The following LRRC4C variants were observed in gnomAD, a reference collection of about 807,000 sequenced individuals.
LRRC4C encodes the protein leucine rich repeat containing 4C, also known as leucine-rich repeat-containing protein 4C.
Under a neutral mutation model 33.6 loss-of-function variants are expected in LRRC4C, and 5 were observed. The observed-to-expected ratio is 0.15, with a 90% CI of 0.08 to 0.31. LRRC4C has a LOEUF of 0.31. Ranked by LOEUF, LRRC4C falls within the 10% of genes least tolerant of loss-of-function variation. The pLI is 1.00. For missense variants in LRRC4C, 560 were observed against 796.7 expected, an observed-to-expected ratio of 0.70 and a Z score of 3.58; for synonymous variants, 329 against 302.0, an observed-to-expected ratio of 1.09 and a Z score of -0.93.
chr11:40,605,008 A>G lies in LRRC4C; in HGVS notation c.-270+43134T>C, dbSNP rs867541941. Among the ~76,000 whole-genome samples the G allele has an allele frequency of 2.0e-5, 3 of 152,284 alleles. No individual in the cohort carries two copies. The South Asian group carries it at 6.2e-4, about 32-fold the overall frequency. On this transcript the variant is annotated intron_variant, in intron 3 of 6. Transcript: ENST00000528697. ...TTGATCCTTTCTATTGTATGATTATAGAGAGTCCCCTCAATAATCAATGTG... is the reference window on the plus strand; with the variant it reads ...TTGATCCTTTCTATTGTATGATTATGGAGAGTCCCCTCAATAATCAATGTG...
intron 3 of LRRC4C, among the ~76,000 whole-genome samples, chr11:40,498,929 A>G (rs1197863393): frequency 1.3e-5 from 2 of 152,210 alleles, no homozygotes; most frequent in Non-Finnish European, 2.9e-5. Flanking sequence ...GTGTTTAAGC[A>G]ACTGTCAAAA....
At chr11:41,450,336 C>T (rs1955978055) in intron 1 of LRRC4C, among the ~76,000 whole-genome samples, 1 of 151,924 alleles carries the variant, frequency 6.6e-6, no homozygotes, top group South Asian at 2.1e-4. Flanking sequence ...AAAAAGGAGT[C>T]CAGGAAAATT....
At chr11:40,248,442 A>G (rs1051731332) in intron 4 of LRRC4C, among the ~76,000 whole-genome samples, 18 of 152,206 alleles carry the variant, frequency 1.2e-4, no homozygotes, top group African/African-American at 3.6e-4. Flanking sequence ...GGGTAACAGT[A>G]GCATCAGGGT....
At chr11:40,509,856 G>A (rs72899057) in intron 3 of LRRC4C, among the ~76,000 whole-genome samples, 9,866 of 152,170 alleles carry the variant, frequency 0.065, 839 homozygotes, top group African/African-American at 0.2. Flanking sequence ...CTAAAAATAC[G>A]TCACATGATG....
At chr11:40,949,131 T>G (rs1246508221) in intron 1 of LRRC4C, among the ~76,000 whole-genome samples, 6 of 152,118 alleles carry the variant, frequency 3.9e-5, no homozygotes, top group Non-Finnish European at 7.4e-5. Flanking sequence ...ATGGTGAGCA[T>G]TTTTTCACGT....
chr11:40,741,583 A>T (rs1365639847), intron 2 of LRRC4C, among the ~76,000 whole-genome samples: 1 of 152,092 alleles, frequency 6.6e-6, no homozygotes, highest in Non-Finnish European at 1.5e-5. Flanking sequence ...ATGCAAAATT[A>T]AAAGTCACCT....
At chr11:40,400,962 G>A (rs889979861) in intron 3 of LRRC4C, among the ~76,000 whole-genome samples, 1 of 152,026 alleles carries the variant, frequency 6.6e-6, no homozygotes, top group Non-Finnish European at 1.5e-5. Flanking sequence ...TGACTATCTT[G>A]TTTAATTTTA....
intron 1 of LRRC4C, among the ~76,000 whole-genome samples, chr11:41,096,219 A>C (rs1336147633): frequency 6.6e-6 from 1 of 152,182 alleles, no homozygotes; most frequent in African/African-American, 2.4e-5. Context: ...CATAAATTAG[A>C]TTATTAACAT....
intron 1 of LRRC4C, among the ~76,000 whole-genome samples, chr11:41,065,055 G>A (rs1410790511): frequency 6.6e-6 from 1 of 151,730 alleles, no homozygotes; most frequent in Non-Finnish European, 1.5e-5. Flanking sequence ...TGAGACAGGA[G>A]AACGGTAGAC....
At chr11:40,469,682 T>C (rs2083420) in intron 3 of LRRC4C, among the ~76,000 whole-genome samples, 56,308 of 152,014 alleles carry the variant, frequency 0.37, 10,771 homozygotes, top group East Asian at 0.57. Flanking sequence ...CAGAAACACT[T>C]GAGTTTGATG....
chr11:40,414,900 A>G (rs902188259), intron 3 of LRRC4C, among the ~76,000 whole-genome samples: 7 of 152,142 alleles, frequency 4.6e-5, no homozygotes, highest in Non-Finnish European at 8.8e-5. Context: ...AGAAGGAGAA[A>G]CAAAACCCCA....
intron 1 of LRRC4C, among the ~76,000 whole-genome samples, chr11:41,316,692 T>C (rs1043864573): frequency 6.6e-6 from 1 of 152,198 alleles, no homozygotes; most frequent in African/African-American, 2.4e-5. Context: ...TCTCCATCAC[T>C]GTATCTCTGA....
chr11:41,289,965 G>T (rs1167241054), intron 1 of LRRC4C, among the ~76,000 whole-genome samples: 2 of 152,120 alleles, frequency 1.3e-5, no homozygotes, highest in Non-Finnish European at 2.9e-5. Flanking sequence ...AGCTATTTCA[G>T]GCATTTCATC....
chr11:40,242,638 AT>A (rs771694414), intron 4 of LRRC4C, among the ~76,000 whole-genome samples: 4 of 152,182 alleles, frequency 2.6e-5, no homozygotes, highest in African/African-American at 9.6e-5. Context: ...GATTCGGTTC[AT>A]TTTTATGACA....
At chr11:40,211,105 T>C (rs941570662) in intron 5 of LRRC4C, among the ~76,000 whole-genome samples, 7 of 152,188 alleles carry the variant, frequency 4.6e-5, no homozygotes, top group African/African-American at 1.7e-4. Flanking sequence ...TCATGCAACA[T>C]ACTCAAGTAC....
At chr11:41,432,249 G>C (rs1462389629) in intron 1 of LRRC4C, among the ~76,000 whole-genome samples, 1 of 152,128 alleles carries the variant, frequency 6.6e-6, no homozygotes, top group Non-Finnish European at 1.5e-5. Flanking sequence ...TATCATATTT[G>C]AAATGCCATA....
intron 3 of LRRC4C, among the ~76,000 whole-genome samples, chr11:40,372,462 A>T (rs1948491705): frequency 6.6e-6 from 1 of 152,218 alleles, no homozygotes; most frequent in Non-Finnish European, 1.5e-5. Flanking sequence ...AGCCTGTAAG[A>T]TTAAGACTAG....
At chr11:41,422,483 A>G (rs1244862798) in intron 1 of LRRC4C, among the ~76,000 whole-genome samples, 2 of 151,842 alleles carry the variant, frequency 1.3e-5, no homozygotes, top group African/African-American at 4.8e-5. Context: ...TACTGCCACT[A>G]TTTTGCAGTC....
chr11:40,505,683 C>T (rs532614904), intron 3 of LRRC4C, among the ~76,000 whole-genome samples: 3 of 152,254 alleles, frequency 2.0e-5, no homozygotes, highest in African/African-American at 7.2e-5. Context: ...GCAAGAAAAA[C>T]ATTGCAGTTT....
Sources: allele counts gnomAD v4.1 joint callset (sites outside exome capture counted in the v4.1 genomes callset), GRCh38; gene constraint gnomAD v4.1.1; transcripts MANE v1.5; gene names NCBI Gene and HGNC (gene_info 2026-07-23, HGNC 2026-07-21).